Variants in MPND observed in about 807,000 individuals in gnomAD.
MPND encodes the protein MPN domain-containing protein.
MPND carries 56 observed loss-of-function variants against 59.2 expected under a neutral mutation model. That is an observed-to-expected ratio of 0.95 (90% confidence interval 0.76 to 1.18). MPND has a LOEUF of 1.18. Ranked by LOEUF, MPND falls within the 50% of genes most tolerant of loss-of-function variation. The pLI is 0.00. For synonymous variants in MPND, 323 were observed against 291.9 expected (o/e 1.11, Z -1.09); for missense variants, 671 against 676.0 (o/e 0.99, Z 0.08).
At position 4,359,260 on chromosome 19, in the gene MPND, G is replaced by GC. The variant is rs1568402037; in HGVS notation, c.1419+9dup. 1 of 1,611,802 alleles carries GC rather than the reference G, an allele frequency of 6.2e-7. No individual in the cohort carries two copies. The highest frequency in any genetic ancestry group is 8.5e-7 in the Non-Finnish European group (1 of 1,178,690). On this transcript the variant is annotated splice_donor_region_variant and intron_variant, in intron 12 of 12. Transcript: ENST00000599840. ...ACCTACCTCGACAAGCTTAAGGTGA[G>GC]CCCCAAGTCCCCGCAGACCTCCTAA... is the stretch of plus-strand genomic sequence containing the variant.
rs555739714 is a variant in MPND, at chr19:4,349,214, C to T, written c.531+3233C>T. 9.2e-5 allele frequency among the ~76,000 whole-genome samples: 14 copies of T among 152,042 alleles called. No homozygotes were observed. The East Asian group carries it at 1.6e-3, about 17-fold the overall frequency. On this transcript the variant is annotated intron_variant, in intron 3 of 12. Coordinates refer to ENST00000599840, the MANE Select transcript of MPND (RefSeq NM_001300862.2). Reference sequence around the variant, plus strand: ...TCCAGAGTAGCTGGGACTACAAGGGCGCGCCACCAAGCTCAGCTGATTTTT... The same window carrying T: ...TCCAGAGTAGCTGGGACTACAAGGGTGCGCCACCAAGCTCAGCTGATTTTT...
chr19:4,350,873 G>A lies in MPND; in HGVS notation c.532-2024G>A, dbSNP rs573172196. Among the ~76,000 whole-genome samples, 7 of 152,212 alleles carry A rather than the reference G, an allele frequency of 4.6e-5. No homozygotes were observed. The East Asian group carries it at 1.4e-3, about 29-fold the overall frequency. ...GATGAGGCCACCTGGGAGGGGTGTG[G>A]AGGGAGGAGGCCTGAAAACCCAGCC... is the stretch of plus-strand genomic sequence containing the variant. On this transcript the variant is annotated intron_variant, in intron 3 of 12. Coordinates refer to ENST00000599840, the MANE Select transcript of MPND (RefSeq NM_001300862.2).
At chr19:4,351,731 A>G (rs1346097384) in intron 3 of MPND, among the ~76,000 whole-genome samples, 4 of 151,966 alleles carry the variant, frequency 2.6e-5, no homozygotes, top group Admixed American at 1.3e-4. Context: ...GCGTGGTGGC[A>G]CATGCCTATA....
At position 4,357,595 on chromosome 19, in the gene MPND, G is replaced by A. The variant is rs1408993098; in HGVS notation, c.1236+10G>A. ...GATGCCTCCTCCCGAGGTAGGTGGG[G>A]CTGTTGGGAGAGCCTGGGGGGCCCG... On this transcript the variant is annotated intron_variant, in intron 10 of 12. Coordinates refer to ENST00000599840, the MANE Select transcript of MPND (RefSeq NM_001300862.2). 2 of 1,605,186 alleles carry A rather than the reference G, an allele frequency of 1.2e-6. No homozygotes were observed. The highest frequency in any genetic ancestry group is 2.2e-5 in the East Asian group (1 of 44,732).
At position 4,344,009 on chromosome 19, in the gene MPND, TC is replaced by T; in HGVS notation, c.294+18del. ...TCTACTACCTGGTGAGCACCCCGCC[TC>T]CCTCGTCCCATCGCGGCTCGGGCAG... On this transcript the variant is annotated intron_variant, in intron 2 of 12. Transcript: ENST00000599840. 7.7e-7 allele frequency: 1 copy of T among 1,306,830 alleles called. No individual in the cohort carries two copies. Among genetic ancestry groups the T allele is most frequent in the Non-Finnish European group, 9.7e-7 (1 of 1,029,566 alleles). 81.0% of individuals were successfully genotyped at this position (1,306,830 alleles called of 1,614,324 possible). A position where few individuals can be genotyped will look rare whatever the true frequency, so the allele number is the denominator to read the frequency against.
At chr19:4,347,769 G>T in intron 3 of MPND, 1 of 602,904 alleles carries the variant, frequency 1.7e-6, no homozygotes, top group Non-Finnish European at 2.8e-6. Flanking sequence ...GCCCGACGCA[G>T]TGGCAAAAAA....
chr19:4,349,658 C>T (rs1252435996), intron 3 of MPND, among the ~76,000 whole-genome samples: 2 of 151,986 alleles, frequency 1.3e-5, no homozygotes, highest in Non-Finnish European at 2.9e-5. Context: ...CTACAGATGC[C>T]CACTACCATG....
At chr19:4,351,343 G>A (rs1268552529) in intron 3 of MPND, among the ~76,000 whole-genome samples, 1 of 151,912 alleles carries the variant, frequency 6.6e-6, no homozygotes, top group Non-Finnish European at 1.5e-5. Context: ...ACCTCAAGTG[G>A]TCCACCGCCT....
chr19:4,343,792 A>G lies in MPND; in HGVS notation c.92A>G (p.Glu31Gly). ...GACGAAGCGGAGGCCGAGGACCCTGAGCGGCCGAATGCGGGAGCGGGCGGT... is the reference window on the plus strand; with the variant it reads ...GACGAAGCGGAGGCCGAGGACCCTGGGCGGCCGAATGCGGGAGCGGGCGGT... ...DEDEAEAEDP[E>G]RPNAGAGGGR... The change falls in exon 2 of 13, where the codon GAG (glutamate) becomes GGG (glycine). Residue 31 changes from glutamate (E) to glycine (G), a missense_variant. Coordinates refer to ENST00000599840, the MANE Select transcript of MPND (RefSeq NM_001300862.2). 1 of 1,207,424 alleles carries G rather than the reference A, an allele frequency of 8.3e-7. No homozygotes were observed. The highest frequency in any genetic ancestry group is 1.0e-6 in the Non-Finnish European group (1 of 972,398). The allele number at this position is 1,207,424 out of a possible 1,614,324, so 74.8% of individuals were successfully genotyped here.
At chr19:4,353,965 T>C in intron 4 of MPND, 80 bp from the exon 5 acceptor site, 1 of 1,223,066 alleles carries the variant, frequency 8.2e-7, no homozygotes, top group Non-Finnish European at 1.2e-6. Context: ...ATTATAGGCA[T>C]GCACCACCAC....
chr19:4,348,823 A>G (rs1451700638), intron 3 of MPND: 2 of 151,518 alleles, frequency 1.3e-5, no homozygotes, highest in Non-Finnish European at 2.9e-5. Context: ...GGCCTGGCTA[A>G]TTTTTTTATT....
chr19:4,355,471 G>C (rs1470987251), intron 8 of MPND, among the ~76,000 whole-genome samples: 1 of 151,886 alleles, frequency 6.6e-6, no homozygotes, highest in Non-Finnish European at 1.5e-5. Context: ...GAATAGCTGG[G>C]ACTACAGGTG....
At chr19:4,345,616 G>T in intron 2 of MPND, 129 bp from the exon 3 acceptor site, 1 of 807,876 alleles carries the variant, frequency 1.2e-6, no homozygotes, top group Non-Finnish European at 2.0e-6. Context: ...CCCTGCAGCC[G>T]GCCTGAGAGG....
At chr19:4,358,441 T>C (rs1972494537) in intron 11 of MPND, 7 of 481,524 alleles carry the variant, frequency 1.5e-5, no homozygotes, top group Non-Finnish European at 2.2e-5. Context: ...CCCAGGGACT[T>C]TGGGTGGTAA....
intron 1 of MPND, 39 bp downstream of exon 1, chr19:4,343,639 G>GGCTGCAGGGGCGCGGT: frequency 8.3e-7 from 1 of 1,205,734 alleles, no homozygotes; most frequent in Non-Finnish European, 1.0e-6. Flanking sequence ...CGGGGCGCGG[G>GGCTGCAGGGGCGCGGT]GCTGCAGGGG....
Position 4,358,157 on chromosome 19 carries a change from C to T in MPND, c.1311C>T (p.Asp437=), listed in dbSNP as rs1243361282. The T allele has an allele frequency of 4.5e-6, 7 of 1,551,376 alleles. No individual in the cohort carries two copies. In the Admixed American group the frequency reaches 5.9e-5, roughly 13 times the overall value. Residue 437 remains aspartate (D), a synonymous_variant, in exon 11 of 13, where the codon GAC becomes GAT. Transcript: ENST00000599840. ...AYVQDSFLTN[D]ILHEMMLLVE... ...TCCAGGACAGCTTCCTGACCAATGA[C>T]ATCCTTCACGAGATGGTGAGCTCGC...
chr19:4,351,900 C>T lies in MPND; in HGVS notation c.532-997C>T, dbSNP rs185024715. The stretch of plus-strand genomic sequence containing the variant: ...AAAAAAGAATAGAGTTGGCTGGGCA[C>T]GGTGGCTCACACCTGTAATGCCAAC... On this transcript the variant is annotated intron_variant, in intron 3 of 12. Transcript: ENST00000599840. Among the ~76,000 whole-genome samples the T allele has an allele frequency of 3.2e-3, 461 of 145,498 alleles. 7 individuals carry two copies. The highest frequency in any genetic ancestry group is 0.01 in the African/African-American group (394 of 39,282).
intron 10 of MPND, 25 bp downstream of exon 10, chr19:4,357,610 TG>T (rs750093141): frequency 4.4e-6 from 7 of 1,593,038 alleles, no homozygotes; most frequent in Non-Finnish European, 5.1e-6. Context: ...TGGGAGAGCC[TG>T]GGGGGCCCGG....
intron 12 of MPND, 145 bp from the exon 13 acceptor site, chr19:4,359,771 C>A: frequency 1.6e-6 from 1 of 623,522 alleles, no homozygotes; most frequent in Non-Finnish European, 2.8e-6. Context: ...ACTGGGTAAG[C>A]AGCAGGCTGT....
Sources: gnomAD v4.1 joint callset for allele counts (sites outside exome capture counted in the v4.1 genomes callset) on GRCh38, gnomAD v4.1.1 for gene constraint, MANE v1.5 for transcripts, NCBI Gene and HGNC (gene_info 2026-07-23, HGNC 2026-07-21) for gene names.